The following TMEM135 variants were observed in gnomAD, a reference collection of about 807,000 sequenced individuals.
The protein encoded by TMEM135 is transmembrane protein 135, also known as peroxisomal membrane protein 52.
A neutral mutation model predicts 60.3 loss-of-function variants in TMEM135; 30 were observed. That is an observed-to-expected ratio of 0.50 (90% confidence interval 0.37 to 0.68). TMEM135 has a LOEUF of 0.68. TMEM135 is among the 30% of genes least tolerant of loss of function. The pLI is 0.00. For missense variants in TMEM135, 468 were observed against 548.8 expected, an observed-to-expected ratio of 0.85 and a Z score of 1.47; for synonymous variants, 190 against 186.7, an observed-to-expected ratio of 1.02 and a Z score of -0.14.
intron 4 of TMEM135, among the ~76,000 whole-genome samples, chr11:87,152,700 A>G (rs1317000653): frequency 6.6e-6 from 1 of 152,188 alleles, no homozygotes; most frequent in African/African-American, 2.4e-5. Flanking sequence ...CGGCCTCCCA[A>G]GGTGCTGGGA....
At chr11:87,321,097 G>C in intron 14 of TMEM135, 104 bp from the exon 15 acceptor site, 1 of 1,067,836 alleles carries the variant, frequency 9.4e-7, no homozygotes, top group Non-Finnish European at 1.3e-6. Context: ...TGCCACGTTA[G>C]CCTTTTCTGT....
chr11:87,226,988 G>A (rs552083869), intron 5 of TMEM135, among the ~76,000 whole-genome samples: 3 of 152,300 alleles, frequency 2.0e-5, no homozygotes, highest in Admixed American at 2.0e-4. Flanking sequence ...GGTGGAGGTT[G>A]CAGTGAGCTG....
At chr11:87,201,325 T>C (rs1940090277) in intron 5 of TMEM135, among the ~76,000 whole-genome samples, 1 of 152,344 alleles carries the variant, frequency 6.6e-6, no homozygotes, top group East Asian at 1.9e-4. Context: ...TTTTACATCC[T>C]TCATGTTCCA....
At chr11:87,312,716 C>T (rs1309649266) in intron 10 of TMEM135, among the ~76,000 whole-genome samples, 2 of 151,860 alleles carry the variant, frequency 1.3e-5, no homozygotes, top group Non-Finnish European at 2.9e-5. Flanking sequence ...ATTTATTTTT[C>T]ATTTTTTAAG....
intron 4 of TMEM135, among the ~76,000 whole-genome samples, chr11:87,130,411 T>C (rs770256421): frequency 5.9e-5 from 9 of 152,308 alleles, no homozygotes; most frequent in East Asian, 1.9e-4. Context: ...AGTTAGGACA[T>C]ACCTCTTTGA....
chr11:87,205,394 C>T (rs968410477), intron 5 of TMEM135, among the ~76,000 whole-genome samples: 1 of 152,108 alleles, frequency 6.6e-6, no homozygotes. Flanking sequence ...AGACATATCT[C>T]TCATTAGTTT....
intron 5 of TMEM135, among the ~76,000 whole-genome samples, chr11:87,168,538 A>T (rs1445544602): frequency 6.6e-6 from 1 of 151,994 alleles, no homozygotes; most frequent in African/African-American, 2.4e-5. Flanking sequence ...GAACTTATTT[A>T]TTTCTGCCTT....
intron 3 of TMEM135, among the ~76,000 whole-genome samples, chr11:87,086,702 G>A (rs1441909164): frequency 2.0e-5 from 3 of 152,208 alleles, no homozygotes; most frequent in Non-Finnish European, 4.4e-5. Context: ...AAACCAATTA[G>A]GAAAGGGTAG....
intron 6 of TMEM135, among the ~76,000 whole-genome samples, chr11:87,261,270 T>G (rs533060613): frequency 6.6e-6 from 1 of 152,318 alleles, no homozygotes; most frequent in Admixed American, 6.5e-5. Context: ...TAATATTTCC[T>G]TATGTATATT....
intron 5 of TMEM135, among the ~76,000 whole-genome samples, chr11:87,200,462 C>T (rs149339928): frequency 5.3e-5 from 8 of 152,116 alleles, no homozygotes; most frequent in African/African-American, 1.9e-4. Flanking sequence ...TTTAGGTACA[C>T]AGCAAAATTA....
At chr11:87,163,490 A>G (rs1392608465) in intron 5 of TMEM135, among the ~76,000 whole-genome samples, 1 of 151,532 alleles carries the variant, frequency 6.6e-6, no homozygotes, top group Non-Finnish European at 1.5e-5. Flanking sequence ...TAATGCTGCA[A>G]TAAACATAAG....
rs370100452 is a variant in TMEM135 at position 87,154,657 on chromosome 11, A to G, written c.397-2684A>G. 1.6e-3 allele frequency among the ~76,000 whole-genome samples: 244 copies of G among 152,296 alleles called. 2 individuals are homozygous for G. The highest frequency in any genetic ancestry group is 5.6e-3 in the African/African-American group (231 of 41,572). On this transcript the variant is annotated intron_variant, in intron 4 of 14. Transcript: ENST00000305494. ...ACACTTGATATCTTCTGTCTTTTTG[A>G]TAATAGCCATTCTAATGGATGGGAA...
chr11:87,258,671 G>A lies in TMEM135; in HGVS notation c.509+21987G>A, dbSNP rs560549508. Among the ~76,000 whole-genome samples the A allele has an allele frequency of 9.2e-5, 14 of 152,312 alleles. 1 individual carries two copies. Among genetic ancestry groups the A allele is most frequent in the Admixed American group, 5.9e-4 (9 of 15,294 alleles). ...GAAGACTGAAGTAAGTCAGGATAGT[G>A]TGGAGGGCACAGTTGCAATTAAGTC... is the stretch of plus-strand genomic sequence containing the variant. On this transcript the variant is annotated intron_variant, in intron 6 of 14. Coordinates refer to ENST00000305494, the MANE Select transcript of TMEM135 (RefSeq NM_022918.4).
chr11:87,122,761 A>G (rs1937624398), intron 4 of TMEM135, among the ~76,000 whole-genome samples: 1 of 152,062 alleles, frequency 6.6e-6, no homozygotes, highest in Non-Finnish European at 1.5e-5. Context: ...GCGCCTGGCC[A>G]GATCATTTAG....
intron 1 of TMEM135, among the ~76,000 whole-genome samples, chr11:87,066,758 T>A (rs2135135310): frequency 6.6e-6 from 1 of 151,600 alleles, no homozygotes; most frequent in East Asian, 1.9e-4. Context: ...AGGTGATACA[T>A]ACTTGTGTTG....
intron 1 of TMEM135, among the ~76,000 whole-genome samples, chr11:87,043,497 G>A (rs1379903068): frequency 6.6e-6 from 1 of 151,784 alleles, no homozygotes. Context: ...AGGCTGAGGC[G>A]GGTGGATCAC....
intron 13 of TMEM135, among the ~76,000 whole-genome samples, chr11:87,318,852 T>A (rs1289050635): frequency 6.6e-6 from 1 of 151,878 alleles, no homozygotes; most frequent in Non-Finnish European, 1.5e-5. Flanking sequence ...TAATTATTAT[T>A]TCAAAAGTGA....
chr11:87,248,173 T>A (rs1015506707), intron 6 of TMEM135, among the ~76,000 whole-genome samples: 1 of 152,232 alleles, frequency 6.6e-6, no homozygotes, highest in African/African-American at 2.4e-5. Flanking sequence ...GAGTGCTTGA[T>A]ATCTCTTTGA....
chr11:87,056,866 A>G (rs1590984490), intron 1 of TMEM135, among the ~76,000 whole-genome samples: 2 of 152,208 alleles, frequency 1.3e-5, no homozygotes, highest in East Asian at 3.8e-4. Context: ...TCTATTTTTT[A>G]TCTGAATATT....
Sources: allele counts gnomAD v4.1 joint callset (sites outside exome capture counted in the v4.1 genomes callset), GRCh38; gene constraint gnomAD v4.1.1; transcripts MANE v1.5; gene names NCBI Gene and HGNC (gene_info 2026-07-23, HGNC 2026-07-21).